SNX7: variants seen among roughly 807,000 people sequenced by gnomAD.
The protein encoded by SNX7 is sorting nexin 7.
A neutral mutation model predicts 48.4 loss-of-function variants in SNX7; 35 were observed. The observed-to-expected ratio is 0.72, with a 90% CI of 0.55 to 0.96. SNX7 has a LOEUF of 0.96. Among genes scored for constraint, SNX7 ranks in the 40% least tolerant of loss-of-function variants. SNX7 has a pLI of 0.00. For synonymous variants in SNX7, 190 were observed against 190.2 expected (o/e 1.00, Z 0.01); for missense variants, 553 against 548.9 (o/e 1.01, Z -0.07).
chr1:98,663,252 GGTTTTTTTTTTTTTTTT>G (rs372132721), intron 1 of SNX7, among the ~76,000 whole-genome samples: 1,019 of 83,142 alleles, frequency 0.012, 90 homozygotes, highest in African/African-American at 0.052. Flanking sequence ...GTTTCTTTCT[GGTTTTTTTTTTTTTTTT>G]TTTTTTTTTT....
At chr1:98,751,355 G>C (rs1209201610) in intron 8 of SNX7, among the ~76,000 whole-genome samples, 1 of 152,000 alleles carries the variant, frequency 6.6e-6, no homozygotes, top group African/African-American at 2.4e-5. Context: ...CTGAAAGTCA[G>C]TTTTGGAATT....
chr1:98,687,398 T>C (rs549536462), intron 2 of SNX7, among the ~76,000 whole-genome samples: 8 of 152,230 alleles, frequency 5.3e-5, no homozygotes, highest in Admixed American at 2.6e-4. Context: ...TACTATTTCA[T>C]AGTATATAGA....
intron 5 of SNX7, among the ~76,000 whole-genome samples, chr1:98,696,730 C>CT (rs201365874): frequency 0.049 from 7,293 of 147,402 alleles, 222 homozygotes; most frequent in Middle Eastern, 0.07. Flanking sequence ...TATTATTTGT[C>CT]TTTTTTTTTT....
At chr1:98,746,847 G>A (rs1206027980) in intron 8 of SNX7, among the ~76,000 whole-genome samples, 2 of 151,966 alleles carry the variant, frequency 1.3e-5, no homozygotes, top group Non-Finnish European at 2.9e-5. Context: ...ATTCCGGGAG[G>A]TAAATCTAAA....
intron 7 of SNX7, among the ~76,000 whole-genome samples, chr1:98,715,028 TACAA>T (rs1652512807): frequency 6.6e-6 from 1 of 152,204 alleles, no homozygotes; most frequent in South Asian, 2.1e-4. Flanking sequence ...GTGTGTTTCT[TACAA>T]ACAAGAATAT....
intron 8 of SNX7, among the ~76,000 whole-genome samples, chr1:98,759,665 A>G (rs1166334011): frequency 6.6e-6 from 1 of 152,072 alleles, no homozygotes; most frequent in East Asian, 1.9e-4. Context: ...AGATTAATCA[A>G]CTTTCTCAAA....
intron 1 of SNX7, among the ~76,000 whole-genome samples, chr1:98,672,327 A>G (rs971103351): frequency 6.6e-6 from 1 of 151,680 alleles, no homozygotes; most frequent in Admixed American, 6.6e-5. Flanking sequence ...GGAAAATAAT[A>G]TGAGCACTGG....
intron 7 of SNX7, among the ~76,000 whole-genome samples, chr1:98,737,183 G>A (rs1188353618): frequency 1.3e-5 from 2 of 151,814 alleles, no homozygotes; most frequent in Non-Finnish European, 2.9e-5. Context: ...TTCCTCTGCT[G>A]GGAATGTGTT....
chr1:98,662,116 C>A, intron 1 of SNX7: 1 of 415,246 alleles, frequency 2.4e-6, no homozygotes, highest in Non-Finnish European at 4.1e-6. Flanking sequence ...CCTCAAACCG[C>A]AGCCGCTCCC....
chr1:98,686,112 C>G (rs1456062797), intron 2 of SNX7, among the ~76,000 whole-genome samples: 1 of 152,128 alleles, frequency 6.6e-6, no homozygotes, highest in African/African-American at 2.4e-5. Flanking sequence ...CCATCCCCTT[C>G]TTAGACAGAA....
At chr1:98,714,425 G>A (rs949499671) in intron 7 of SNX7, among the ~76,000 whole-genome samples, 8 of 111,254 alleles carry the variant, frequency 7.2e-5, no homozygotes, top group Admixed American at 8.6e-5. Flanking sequence ...GAAAAAGCCC[G>A]TCTCCCTAGG....
intron 7 of SNX7, among the ~76,000 whole-genome samples, chr1:98,709,920 C>G (rs571918104): frequency 6.6e-6 from 1 of 152,182 alleles, no homozygotes; most frequent in South Asian, 2.1e-4. Flanking sequence ...TGGAAGCTCT[C>G]TTATATGGAA....
intron 7 of SNX7, among the ~76,000 whole-genome samples, chr1:98,717,022 C>A (rs1652630175): frequency 1.3e-5 from 2 of 150,498 alleles, no homozygotes; most frequent in Admixed American, 1.3e-4. Context: ...AAAAAAAAAA[C>A]TTGGATTTCA....
intron 7 of SNX7, among the ~76,000 whole-genome samples, chr1:98,730,737 T>C (rs1653465922): frequency 6.6e-6 from 1 of 152,024 alleles, no homozygotes; most frequent in African/African-American, 2.4e-5. Flanking sequence ...AAACCATTGC[T>C]CAAGGAAATC....
At chr1:98,727,722 T>C (rs1653262701) in intron 7 of SNX7, among the ~76,000 whole-genome samples, 1 of 151,840 alleles carries the variant, frequency 6.6e-6, no homozygotes, top group East Asian at 1.9e-4. Flanking sequence ...AAATGCCACA[T>C]GAGAATTTCA....
intron 7 of SNX7, among the ~76,000 whole-genome samples, chr1:98,720,060 G>A (rs1652785264): frequency 6.6e-6 from 1 of 151,664 alleles, no homozygotes; most frequent in African/African-American, 2.4e-5. Flanking sequence ...CATATGCAAC[G>A]ATGATAAGAC....
chr1:98,726,853 A>G (rs1653201111), intron 7 of SNX7, among the ~76,000 whole-genome samples: 1 of 152,166 alleles, frequency 6.6e-6, no homozygotes, highest in Non-Finnish European at 1.5e-5. Flanking sequence ...TCCCTCTCAT[A>G]TTCATCCTGT....
intron 4 of SNX7, among the ~76,000 whole-genome samples, chr1:98,693,199 T>TGGATGGAC (rs1227551019): frequency 3.2e-5 from 4 of 126,864 alleles, no homozygotes; most frequent in African/African-American, 1.1e-4. Flanking sequence ...GATGGATGGA[T>TGGATGGAC]GGACGGACAG....
At chr1:98,729,440 C>A (rs1653367969) in intron 7 of SNX7, among the ~76,000 whole-genome samples, 1 of 150,040 alleles carries the variant, frequency 6.7e-6, no homozygotes, top group African/African-American at 2.4e-5. Flanking sequence ...CAGAGTGGAA[C>A]TAAAGGAGAT....
Sources: allele counts gnomAD v4.1 joint callset (sites outside exome capture counted in the v4.1 genomes callset), GRCh38; gene constraint gnomAD v4.1.1; transcripts MANE v1.5; gene names NCBI Gene and HGNC (gene_info 2026-07-23, HGNC 2026-07-21).